The following PLA2G5 variants were observed in gnomAD, a reference collection of about 807,000 sequenced individuals.
PLA2G5 encodes the protein phospholipase A2 group V.
Under a neutral mutation model 15.9 loss-of-function variants are expected in PLA2G5, and 12 were observed. That is an observed-to-expected ratio of 0.76 (90% CI 0.48 to 1.23). The LOEUF (loss-of-function observed/expected upper bound fraction) is 1.23, where lower values mean the gene tolerates loss of function less well. Ranked by LOEUF, PLA2G5 falls within the 50% of genes most tolerant of loss-of-function variation. The pLI is 0.00. For synonymous variants in PLA2G5, 71 were observed against 71.4 expected (o/e 0.99, Z 0.03); for missense variants, 169 against 177.1 (o/e 0.95, Z 0.26).
Position 20,083,004 on chromosome 1 carries a change from A to T in PLA2G5, c.-10-1817A>T, listed in dbSNP as rs116748190. Among the ~76,000 whole-genome samples the T allele has an allele frequency of 3.7e-3, 560 of 152,078 alleles. 18 individuals are homozygous for T. Among genetic ancestry groups the T allele is most frequent in the African/African-American group, 0.012 (477 of 41,334 alleles). On this transcript the variant is annotated intron_variant, in intron 1 of 4. Transcript: ENST00000375108. ...AAAAGGACAGACACCGGGCCTGCCA[A>T]GGTCATTGATGGGTTTAGAGAGATA...
intron 1 of PLA2G5, among the ~76,000 whole-genome samples, chr1:20,059,387 C>A (rs2100454628): frequency 6.6e-6 from 1 of 151,932 alleles, no homozygotes; most frequent in South Asian, 2.1e-4. Context: ...CTGATTGCCT[C>A]ACTCCAGCCT....
upstream of PLA2G5, among the ~76,000 whole-genome samples, chr1:20,065,525 A>G (rs2014971416): frequency 6.6e-6 from 1 of 152,218 alleles, no homozygotes; most frequent in African/African-American, 2.4e-5. Flanking sequence ...TACAGTATAT[A>G]TCCTTTTCAG....
At position 20,029,450 on chromosome 1, in the gene PLA2G5, C is replaced by T. The variant is rs544224831; in HGVS notation, n.276+741C>T. Among the ~76,000 whole-genome samples the T allele has an allele frequency of 5.1e-4, 77 of 152,254 alleles. No individual in the cohort carries two copies. The South Asian group carries it at 0.015, about 30-fold the overall frequency. On this transcript the variant is annotated intron_variant and non_coding_transcript_variant, in intron 1 of 6. Transcript: ENST00000460175. Reference sequence around the variant, plus strand: ...AGGTCCAGCTGCCTGTGTGTTCTTCCGCTGATCTGCTCCTCTTGACGTGCA... The same window carrying T: ...AGGTCCAGCTGCCTGTGTGTTCTTCTGCTGATCTGCTCCTCTTGACGTGCA...
intron 1 of PLA2G5, among the ~76,000 whole-genome samples, chr1:20,048,647 T>A (rs2014037136): frequency 6.6e-6 from 1 of 152,204 alleles, no homozygotes; most frequent in African/African-American, 2.4e-5. Context: ...TAGTTTGGCC[T>A]ATGCCCAGGT....
At chr1:20,080,258 C>A (rs1231290330) in intron 1 of PLA2G5, among the ~76,000 whole-genome samples, 1 of 152,140 alleles carries the variant, frequency 6.6e-6, no homozygotes, top group Non-Finnish European at 1.5e-5. Flanking sequence ...CAACTCTGAT[C>A]ACTGTCCCTC....
intron 3 of PLA2G5, among the ~76,000 whole-genome samples, chr1:20,087,823 A>C (rs1377933666): frequency 6.6e-6 from 1 of 152,198 alleles, no homozygotes; most frequent in African/African-American, 2.4e-5. Flanking sequence ...ACGGAAGCCC[A>C]CATTGATGGG....
intron 1 of PLA2G5, among the ~76,000 whole-genome samples, chr1:20,043,115 G>GC (rs1211301462): frequency 6.6e-6 from 1 of 152,112 alleles, no homozygotes; most frequent in Non-Finnish European, 1.5e-5. Flanking sequence ...CCAAGTAAAA[G>GC]CAAAGAGGGG....
chr1:20,037,856 A>G (rs531470689), intron 1 of PLA2G5, among the ~76,000 whole-genome samples: 34 of 152,136 alleles, frequency 2.2e-4, no homozygotes, highest in Admixed American at 1.9e-3. Context: ...GCTGGTAGAG[A>G]TGGACCATCT....
At chr1:20,067,130 G>A (rs192715275), upstream of PLA2G5, among the ~76,000 whole-genome samples, 42 of 152,206 alleles carry the variant, frequency 2.8e-4, no homozygotes, top group African/African-American at 9.6e-4. Context: ...CAAGTAGCTG[G>A]ACTACACGTG....
intron 1 of PLA2G5, among the ~76,000 whole-genome samples, chr1:20,050,813 A>G (rs1356523722): frequency 2.0e-5 from 3 of 152,130 alleles, no homozygotes; most frequent in Admixed American, 2.0e-4. Flanking sequence ...TATTTTACAA[A>G]CTTTCCAAAA....
chr1:20,051,010 C>T (rs573769261), intron 1 of PLA2G5, among the ~76,000 whole-genome samples: 81 of 152,018 alleles, frequency 5.3e-4, no homozygotes, highest in African/African-American at 1.5e-3. Flanking sequence ...GTATGTGTTC[C>T]GAAATCATGG....
chr1:20,068,718 T>C (rs1368663238), upstream of PLA2G5, among the ~76,000 whole-genome samples: 3 of 152,210 alleles, frequency 2.0e-5, no homozygotes, highest in African/African-American at 7.2e-5. Flanking sequence ...CCCAAAGTGC[T>C]GGGATTACAG....
At chr1:20,082,640 T>C (rs912152637) in intron 1 of PLA2G5, among the ~76,000 whole-genome samples, 86 of 152,046 alleles carry the variant, frequency 5.7e-4, no homozygotes, top group Non-Finnish European at 1.0e-3. Flanking sequence ...CTGACATTCC[T>C]GCCCTGCTCC....
chr1:20,049,462 G>T (rs551921847), intron 1 of PLA2G5, among the ~76,000 whole-genome samples: 1 of 151,994 alleles, frequency 6.6e-6, no homozygotes, highest in South Asian at 2.1e-4. Flanking sequence ...GATATGATTT[G>T]GCTCTGTGTC....
intron 1 of PLA2G5, among the ~76,000 whole-genome samples, chr1:20,059,355 G>A (rs1256845958): frequency 6.6e-6 from 1 of 151,982 alleles, no homozygotes; most frequent in Non-Finnish European, 1.5e-5. Flanking sequence ...TTGAGCCTAG[G>A]ACATCATGGC....
chr1:20,042,410 C>T (rs1299092942), intron 1 of PLA2G5, among the ~76,000 whole-genome samples: 2 of 152,000 alleles, frequency 1.3e-5, no homozygotes, highest in African/African-American at 4.8e-5. Flanking sequence ...AATGTGGGGG[C>T]CAGCCTAAAA....
upstream of PLA2G5, among the ~76,000 whole-genome samples, chr1:20,069,663 A>AAAAGAAAGAAAGAAAGAAAGAAAG (rs57068796): frequency 1.1e-4 from 16 of 142,604 alleles, no homozygotes; most frequent in African/African-American, 4.1e-4. Context: ...CTCAGCTCAG[A>AAAAGAAAGAAAGAAAGAAAGAAAG]AAAGAAAGAA....
chr1:20,047,962 A>C (rs559071364), intron 1 of PLA2G5, among the ~76,000 whole-genome samples: 34 of 152,278 alleles, frequency 2.2e-4, no homozygotes, highest in African/African-American at 7.7e-4. Context: ...TAGGGTTACC[A>C]ATAATTTATA....
At chr1:20,083,222 G>T (rs959271421) in intron 1 of PLA2G5, among the ~76,000 whole-genome samples, 1 of 151,960 alleles carries the variant, frequency 6.6e-6, no homozygotes, top group Non-Finnish European at 1.5e-5. Flanking sequence ...GGGATTCAGA[G>T]TTGCTGCTGG....
Sources: gnomAD v4.1 joint callset for allele counts (sites outside exome capture counted in the v4.1 genomes callset) on GRCh38, gnomAD v4.1.1 for gene constraint, MANE v1.5 for transcripts, NCBI Gene and HGNC (gene_info 2026-07-23, HGNC 2026-07-21) for gene names.